MFF: variants seen among roughly 807,000 people sequenced by gnomAD.
MFF encodes mitochondrial fission factor.
A neutral mutation model predicts 36.9 loss-of-function variants in MFF; 12 were observed. The ratio of observed to expected loss-of-function variants is 0.33; its 90% CI spans 0.21 to 0.53. The LOEUF (loss-of-function observed/expected upper bound fraction) is 0.53. Among genes scored for constraint, MFF ranks in the 20% least tolerant of loss-of-function variants. The probability of loss-of-function intolerance (pLI) is 0.95; values close to 1 mark genes in which losing one functional copy is unlikely to be tolerated. For synonymous variants in MFF, 99 were observed against 126.2 expected (o/e 0.78, Z 1.44); for missense variants, 348 against 366.6 (o/e 0.95, Z 0.42).
intron 1 of MFF, among the ~76,000 whole-genome samples, chr2:227,326,353 TC>T (rs2074130715): frequency 6.6e-6 from 1 of 152,040 alleles, no homozygotes; most frequent in African/African-American, 2.4e-5. Context: ...AAACATTTTT[TC>T]TGCCTCAATT....
At chr2:227,342,646 A>G (rs908365129) in intron 5 of MFF, 2 of 906,896 alleles carry the variant, frequency 2.2e-6, no homozygotes, top group Non-Finnish European at 3.5e-6. Flanking sequence ...GTGGTCAGCT[A>G]TTAGCGCAAA....
intron 5 of MFF, chr2:227,346,691 C>T (rs148480630): frequency 1.3e-5 from 2 of 152,332 alleles, no homozygotes; most frequent in African/African-American, 4.8e-5. Context: ...AAGACTAATT[C>T]ATCCTTAAAT....
chr2:227,325,486 T>TC (rs2074020109), intron 1 of MFF, 59 bp downstream of exon 1: 1 of 152,578 alleles, frequency 6.6e-6, no homozygotes, highest in African/African-American at 2.4e-5. Flanking sequence ...GCCAGGCCTA[T>TC]CGCCGCCGCC....
At chr2:227,350,950 A>G (rs1433073438) in intron 6 of MFF, among the ~76,000 whole-genome samples, 1 of 152,198 alleles carries the variant, frequency 6.6e-6, no homozygotes, top group African/African-American at 2.4e-5. Flanking sequence ...AGAAGACAAA[A>G]TGAAATACGT....
chr2:227,332,362 C>A lies in MFF; in HGVS notation c.182-57C>A, dbSNP rs890119962. On this transcript the variant is annotated intron_variant, in intron 3 of 8. Transcript: ENST00000304593. ...AATACATTTTAACAAAAATCACTGT[C>A]TTTTTAAAAAACCTCCCGCTTTTCT... is the stretch of plus-strand genomic sequence containing the variant. 107 of 1,343,584 alleles carry A rather than the reference C, an allele frequency of 8.0e-5. No individual in the cohort carries two copies. The African/African-American group carries it at 1.6e-3, about 20-fold the overall frequency. 83.2% of individuals were successfully genotyped at this position (1,343,584 alleles called of 1,614,324 possible). A position where few individuals can be genotyped will look rare whatever the true frequency, so the allele number is the denominator to read the frequency against.
chr2:227,346,983 T>G, intron 5 of MFF: 1 of 348,746 alleles, frequency 2.9e-6, no homozygotes, highest in Non-Finnish European at 5.3e-6. Context: ...CTCTCTACAG[T>G]TCTTTCATAT....
At chr2:227,332,747 A>G (rs1263127792) in intron 4 of MFF, among the ~76,000 whole-genome samples, 159 bp downstream of exon 4, 12 of 152,220 alleles carry the variant, frequency 7.9e-5, no homozygotes, top group Admixed American at 6.5e-4. Flanking sequence ...CAAATAAGTT[A>G]TTATGCTATT....
chr2:227,332,385 T>C, intron 3 of MFF, 34 bp from the exon 4 acceptor site: 1 of 1,513,916 alleles, frequency 6.6e-7, no homozygotes, highest in East Asian at 2.3e-5. Flanking sequence ...CTCCCGCTTT[T>C]CTCTTCTTTG....
chr2:227,326,043 C>T (rs568853197), intron 1 of MFF, among the ~76,000 whole-genome samples: 14 of 152,124 alleles, frequency 9.2e-5, no homozygotes, highest in African/African-American at 3.4e-4. Flanking sequence ...GCTGGGAAGC[C>T]GGAGGAAAGC....
intron 3 of MFF, 29 bp from the exon 4 acceptor site, chr2:227,332,388 CTT>C (rs1559950995): frequency 7.9e-6 from 12 of 1,516,772 alleles, no homozygotes; most frequent in Non-Finnish European, 8.8e-6. Flanking sequence ...CCGCTTTTCT[CTT>C]CTTTGTCTCT....
intron 4 of MFF, among the ~76,000 whole-genome samples, chr2:227,337,134 T>C (rs2075064716): frequency 6.6e-6 from 1 of 152,234 alleles, no homozygotes; most frequent in Non-Finnish European, 1.5e-5. Flanking sequence ...TACACATTCA[T>C]GCATGGAAAA....
At chr2:227,334,968 A>G (rs1186762268) in intron 4 of MFF, among the ~76,000 whole-genome samples, 1 of 152,144 alleles carries the variant, frequency 6.6e-6, no homozygotes, top group Admixed American at 6.5e-5. Flanking sequence ...CAGGAGTTCA[A>G]GACCAGCCTG....
chr2:227,329,605 G>T (rs1218372994), intron 2 of MFF: 1 of 536,208 alleles, frequency 1.9e-6, no homozygotes, highest in Non-Finnish European at 3.2e-6. Context: ...CTTTTTTACA[G>T]CTGGAAAAGC....
intron 3 of MFF, 104 bp downstream of exon 3, chr2:227,330,950 A>T: frequency 1.1e-6 from 1 of 877,266 alleles, no homozygotes; most frequent in Non-Finnish European, 1.7e-6. Context: ...AGGAGTTGGA[A>T]AATGCAACTT....
At chr2:227,356,930 G>T (rs548855848) in intron 8 of MFF, 56 bp from the exon 9 acceptor site, 3 of 1,312,046 alleles carry the variant, frequency 2.3e-6, no homozygotes, top group East Asian at 4.6e-5. Context: ...GAATCTGATT[G>T]CCCTATTCAT....
intron 1 of MFF, among the ~76,000 whole-genome samples, chr2:227,326,518 A>G (rs748771014): frequency 6.6e-6 from 1 of 152,154 alleles, no homozygotes; most frequent in Non-Finnish European, 1.5e-5. Context: ...CATTTTTTCC[A>G]AAAGGAAATT....
intron 6 of MFF, among the ~76,000 whole-genome samples, chr2:227,349,593 G>A (rs914130976): frequency 4.5e-4 from 68 of 152,028 alleles, no homozygotes; most frequent in African/African-American, 1.5e-3. Flanking sequence ...TCTTATTGAC[G>A]CTTTCAGTAT....
rs2076304859 is a variant in MFF at position 227,357,229 on chromosome 2, A to G, written c.*112A>G. 8.6e-7 allele frequency: 1 copy of G among 1,168,062 alleles called. No homozygotes were observed. Among genetic ancestry groups the G allele is most frequent in the Admixed American group, 2.5e-5 (1 of 39,868 alleles). 72.4% of individuals were successfully genotyped at this position (1,168,062 alleles called of 1,614,324 possible). A position where few individuals can be genotyped will look rare whatever the true frequency, so the allele number is the denominator to read the frequency against. On this transcript the variant is annotated 3_prime_UTR_variant, in exon 9 of 9. Coordinates refer to ENST00000304593, the MANE Select transcript of MFF (RefSeq NM_001277062.2). ...ATGCCATTTTATAGTCCACACCCTG[A>G]AAATGTATTTCTTCCAGAAAGTCTG...
chr2:227,350,649 C>G (rs1364950240), intron 6 of MFF, among the ~76,000 whole-genome samples: 1 of 151,934 alleles, frequency 6.6e-6, no homozygotes, highest in African/African-American at 2.4e-5. Context: ...ATTCCTGATC[C>G]CCAATTAAAC....
Sources: gnomAD v4.1 joint callset for allele counts (sites outside exome capture counted in the v4.1 genomes callset) on GRCh38, gnomAD v4.1.1 for gene constraint, MANE v1.5 for transcripts, NCBI Gene and HGNC (gene_info 2026-07-23, HGNC 2026-07-21) for gene names.